Variants in PHAF1 observed in about 807,000 individuals in gnomAD.
PHAF1 encodes the protein phagophore assembly factor 1.
In PHAF1, 23 loss-of-function variants were observed where a neutral mutation model predicts 63.1. The observed-to-expected ratio is 0.36, with a 90% CI of 0.26 to 0.52. The LOEUF (loss-of-function observed/expected upper bound fraction) is 0.52. Ranked by LOEUF, PHAF1 falls within the 20% of genes least tolerant of loss-of-function variation. The probability of loss-of-function intolerance (pLI) is 0.93; values close to 1 mark genes in which losing one functional copy is unlikely to be tolerated. For synonymous variants in PHAF1, 167 were observed against 185.0 expected (o/e 0.90, Z 0.79); for missense variants, 427 against 517.2 (o/e 0.83, Z 1.69).
intron 2 of PHAF1, among the ~76,000 whole-genome samples, chr16:67,120,471 T>C (rs971040726): frequency 6.6e-6 from 1 of 151,976 alleles, no homozygotes; most frequent in African/African-American, 2.4e-5. Flanking sequence ...TTTTCAGTGG[T>C]AGGTCGCTTC....
rs1325606532 is a variant in PHAF1, at chr16:67,146,270, G to C, written c.1110-8G>C. 1 of 1,612,208 alleles carries C rather than the reference G, an allele frequency of 6.2e-7. No homozygotes were observed. Among genetic ancestry groups the C allele is most frequent in the Non-Finnish European group, 8.5e-7 (1 of 1,178,516 alleles). ...CTGCCTCTCTAATTCTGAATTCTTTGGCCTCAGGTCTTCCTCCCCAAACAA... is the reference window on the plus strand; with the variant it reads ...CTGCCTCTCTAATTCTGAATTCTTTCGCCTCAGGTCTTCCTCCCCAAACAA... On this transcript the variant is annotated splice_region_variant and splice_polypyrimidine_tract_variant and intron_variant, in intron 14 of 15. Coordinates refer to ENST00000219139, the MANE Select transcript of PHAF1 (RefSeq NM_025187.5).
At chr16:67,146,926 A>C in intron 15 of PHAF1, 119 bp from the exon 16 acceptor site, 7 of 891,256 alleles carry the variant, frequency 7.9e-6, no homozygotes, top group Non-Finnish European at 1.3e-5. Context: ...GAGGTTGAGG[A>C]GTCGGGAAAC....
At chr16:67,138,514 T>G (rs1219512234) in intron 8 of PHAF1, among the ~76,000 whole-genome samples, 1 of 144,514 alleles carries the variant, frequency 6.9e-6, no homozygotes, top group East Asian at 2.0e-4. Context: ...CTTGGCTTCC[T>G]TTTTTTTTTT....
intron 12 of PHAF1, 27 bp downstream of exon 12, chr16:67,144,904 G>C (rs1445772086): frequency 1.9e-6 from 3 of 1,610,048 alleles, no homozygotes; most frequent in Non-Finnish European, 2.6e-6. Flanking sequence ...CTCAGGGTAA[G>C]GGAGGGGTTT....
Position 67,140,047 on chromosome 16 carries a change from G to A in PHAF1, c.725G>A (p.Gly242Asp), listed in dbSNP as rs1963749631. The A allele has an allele frequency of 6.2e-7, 1 of 1,614,072 alleles. No individual in the cohort carries two copies. Among genetic ancestry groups the A allele is most frequent in the East Asian group, 2.2e-5 (1 of 44,886 alleles). Reference protein sequence around the residue: ...MRVFERSVYFGDSCQDVLSML... With the variant: ...MRVFERSVYFDDSCQDVLSML... Reference sequence around the variant, plus strand: ...GTATTTGAACGTTCAGTGTATTTTGGTGATTCCTGCCAAGATGTTCTTAGC... The same window carrying A: ...GTATTTGAACGTTCAGTGTATTTTGATGATTCCTGCCAAGATGTTCTTAGC... Residue 242 changes from glycine to aspartate, a missense_variant, in exon 9 of 16, where the codon GGT (glycine) becomes GAT (aspartate). Coordinates refer to ENST00000219139, the MANE Select transcript of PHAF1 (RefSeq NM_025187.5).
intron 11 of PHAF1, 96 bp downstream of exon 11, chr16:67,144,472 C>T: frequency 1.2e-6 from 1 of 863,124 alleles, no homozygotes; most frequent in Non-Finnish European, 1.9e-6. Flanking sequence ...ACTAATTTAT[C>T]TACACCTGAA....
chr16:67,143,908 G>A (rs557073563), intron 10 of PHAF1, among the ~76,000 whole-genome samples: 1 of 152,056 alleles, frequency 6.6e-6, no homozygotes, highest in South Asian at 2.1e-4. Flanking sequence ...GGCCAACATG[G>A]TGAAACCCCG....
chr16:67,110,371 G>C, intron 1 of PHAF1, 132 bp downstream of exon 1: 4 of 1,019,516 alleles, frequency 3.9e-6, no homozygotes, highest in Non-Finnish European at 5.8e-6. Context: ...TCGGCTCGCT[G>C]GGCTCCAGGC....
intron 1 of PHAF1, among the ~76,000 whole-genome samples, chr16:67,117,199 ATTTTTTTTTTTTT>A (rs750308105): frequency 2.7e-5 from 3 of 111,980 alleles, no homozygotes. Context: ...TGCCCAGCTA[ATTTTTTTTTTTTT>A]TTTTTTTTTT....
intron 1 of PHAF1, among the ~76,000 whole-genome samples, chr16:67,110,507 C>T (rs1212865449): frequency 6.6e-6 from 1 of 152,176 alleles, no homozygotes; most frequent in Non-Finnish European, 1.5e-5. Context: ...TCCCCAAATG[C>T]CTAATGCCCG....
chr16:67,117,544 G>A lies in PHAF1; in HGVS notation c.65-2568G>A, dbSNP rs191005959. 9.1e-4 allele frequency among the ~76,000 whole-genome samples: 138 copies of A among 151,376 alleles called. 1 individual carries two copies. The highest frequency in any genetic ancestry group is 3.2e-3 in the African/African-American group (133 of 41,366). ...TGTAATCCCAGCACTTTGGGAGGCCGAGGCGGTGGATCACGAGGTCAGGAG... is the reference window on the plus strand; with the variant it reads ...TGTAATCCCAGCACTTTGGGAGGCCAAGGCGGTGGATCACGAGGTCAGGAG... On this transcript the variant is annotated intron_variant, in intron 1 of 15. Coordinates refer to ENST00000219139, the MANE Select transcript of PHAF1 (RefSeq NM_025187.5).
chr16:67,124,275 A>ATCCAAGGTCATAG (rs1360223228), intron 2 of PHAF1, among the ~76,000 whole-genome samples: 3 of 152,348 alleles, frequency 2.0e-5, no homozygotes, highest in African/African-American at 7.2e-5. Context: ...GATACTGGTA[A>ATCCAAGGTCATAG]TCCAAGGTCA....
In PHAF1 at chr16:67,110,062, G is replaced by T; in HGVS notation, c.-114G>T. 1 of 1,135,422 alleles carries T rather than the reference G, an allele frequency of 8.8e-7. No individual in the cohort carries two copies. Among genetic ancestry groups the T allele is most frequent in the South Asian group, 1.4e-5 (1 of 70,490 alleles). 70.3% of individuals were successfully genotyped at this position (1,135,422 alleles called of 1,614,324 possible). A position where few individuals can be genotyped will look rare whatever the true frequency, so the allele number is the denominator to read the frequency against. On this transcript the variant is annotated 5_prime_UTR_variant, in exon 1 of 16. Transcript: ENST00000219139. The stretch of plus-strand genomic sequence containing the variant: ...GCTGCCGCCGGGGAGGAGGTGGAAA[G>T]CGGGGCTGTGGCGGGCCGGCGGGGG...
intron 2 of PHAF1, among the ~76,000 whole-genome samples, chr16:67,123,414 T>C (rs1963063489): frequency 6.6e-6 from 1 of 151,934 alleles, no homozygotes; most frequent in African/African-American, 2.4e-5. Context: ...CCGTCTTTAC[T>C]AAAAGTACAA....
chr16:67,118,791 T>C (rs1213492318), intron 1 of PHAF1, among the ~76,000 whole-genome samples: 1 of 144,892 alleles, frequency 6.9e-6, no homozygotes, highest in Non-Finnish European at 1.5e-5. Context: ...TTTTTTTTTT[T>C]TGAGATAGGG....
intron 2 of PHAF1, 105 bp from the exon 3 acceptor site, chr16:67,125,844 AGGGACTGTCT>A (rs2145845722): frequency 1.3e-6 from 1 of 742,416 alleles, no homozygotes; most frequent in Admixed American, 2.1e-5. Context: ...TGGAGGAGAG[AGGGACTGTCT>A]GCACTTAGAT....
intron 1 of PHAF1, among the ~76,000 whole-genome samples, chr16:67,119,516 A>G (rs1398972922): frequency 6.6e-6 from 1 of 150,996 alleles, no homozygotes; most frequent in Non-Finnish European, 1.5e-5. Flanking sequence ...CATGCATCAT[A>G]CGCATCTTTT....
intron 2 of PHAF1, among the ~76,000 whole-genome samples, chr16:67,120,583 T>C (rs1962931795): frequency 6.7e-6 from 1 of 150,286 alleles, no homozygotes; most frequent in Non-Finnish European, 1.5e-5. Context: ...ATTTTTGCAG[T>C]GCAGATCTCT....
chr16:67,120,298 C>T (rs569365112), intron 2 of PHAF1, 104 bp downstream of exon 2: 13 of 1,018,830 alleles, frequency 1.3e-5, no homozygotes, highest in Admixed American at 1.1e-4. Context: ...TAGCTGTGTT[C>T]GAATGGGAGA....
Sources: allele counts gnomAD v4.1 joint callset (sites outside exome capture counted in the v4.1 genomes callset), GRCh38; gene constraint gnomAD v4.1.1; transcripts MANE v1.5; gene names NCBI Gene and HGNC (gene_info 2026-07-23, HGNC 2026-07-21).